SKAP1: variants seen among roughly 807,000 people sequenced by gnomAD.
The protein encoded by SKAP1 is src kinase-associated phosphoprotein 1.
SKAP1 carries 44 observed loss-of-function variants against 58.5 expected under a neutral mutation model. The ratio of observed to expected loss-of-function variants is 0.75; its 90% CI spans 0.59 to 0.97. SKAP1 has a LOEUF of 0.97. Ranked by LOEUF, SKAP1 falls within the 50% of genes least tolerant of loss-of-function variation. The probability of loss-of-function intolerance (pLI) is 0.00; values close to 1 mark genes in which losing one functional copy is unlikely to be tolerated. For synonymous variants in SKAP1, 127 were observed against 149.7 expected, an observed-to-expected ratio of 0.85 and a Z score of 1.11; for missense variants, 390 against 435.2, an observed-to-expected ratio of 0.90 and a Z score of 0.92.
chr17:48,397,378 G>A (rs1442142616), intron 1 of SKAP1, among the ~76,000 whole-genome samples: 1 of 152,014 alleles, frequency 6.6e-6, no homozygotes, highest in East Asian at 1.9e-4. Flanking sequence ...GGCGCATGCC[G>A]CCAAGCCCGG....
chr17:48,265,820 G>C (rs2065540944), intron 4 of SKAP1, among the ~76,000 whole-genome samples: 1 of 152,150 alleles, frequency 6.6e-6, no homozygotes, highest in Non-Finnish European at 1.5e-5. Flanking sequence ...CCTGTGGCAG[G>C]TGGAACAGGG....
At chr17:48,291,930 T>C (rs11655781) in intron 4 of SKAP1, among the ~76,000 whole-genome samples, 26,300 of 152,066 alleles carry the variant, frequency 0.17, 2,325 homozygotes, top group Non-Finnish European at 0.19. Context: ...GATATTTATA[T>C]AGAGATTTGT....
At chr17:48,302,423 T>A (rs895540311) in intron 4 of SKAP1, among the ~76,000 whole-genome samples, 1 of 152,196 alleles carries the variant, frequency 6.6e-6, no homozygotes, top group Non-Finnish European at 1.5e-5. Context: ...TGCTCTTGCG[T>A]GTCTTATATT....
At chr17:48,177,390 T>G (rs913026750) in intron 9 of SKAP1, among the ~76,000 whole-genome samples, 1 of 152,228 alleles carries the variant, frequency 6.6e-6, no homozygotes, top group Non-Finnish European at 1.5e-5. Flanking sequence ...CACATGTCAG[T>G]TCCAGACTCC....
intron 9 of SKAP1, among the ~76,000 whole-genome samples, chr17:48,177,885 T>C (rs77229718): frequency 0.11 from 16,644 of 152,220 alleles, 1,093 homozygotes; most frequent in Middle Eastern, 0.17. Flanking sequence ...AGGTGCAGTT[T>C]AGCTGTTGTT....
At chr17:48,301,870 C>T (rs978756357) in intron 4 of SKAP1, among the ~76,000 whole-genome samples, 2 of 152,158 alleles carry the variant, frequency 1.3e-5, no homozygotes, top group African/African-American at 4.8e-5. Flanking sequence ...AGTGCTACAA[C>T]TGGCATCAGG....
rs1255110481 is a variant in SKAP1, at chr17:48,279,195, C to T, written c.280+66710G>A. Among the ~76,000 whole-genome samples the T allele has an allele frequency of 2.0e-5, 3 of 151,926 alleles. No homozygotes were observed. The East Asian group carries it at 5.8e-4, about 29-fold the overall frequency. ...TCTGCCAAAATAGATGGCAGCTAAG[C>T]CAAAGAGCACTGGAGAAAGACATGG... On this transcript the variant is annotated intron_variant, in intron 4 of 12. Transcript: ENST00000336915.
At chr17:48,243,657 G>C (rs2065264911) in intron 4 of SKAP1, among the ~76,000 whole-genome samples, 1 of 152,132 alleles carries the variant, frequency 6.6e-6, no homozygotes, top group Admixed American at 6.5e-5. Flanking sequence ...CCTGGAGGAA[G>C]CGCAAATAAA....
intron 4 of SKAP1, among the ~76,000 whole-genome samples, chr17:48,269,053 T>C (rs775878410): frequency 6.6e-6 from 1 of 151,958 alleles, no homozygotes; most frequent in Non-Finnish European, 1.5e-5. Context: ...TAATATATAA[T>C]AAATAATGCA....
chr17:48,220,870 A>G (rs2064996411), intron 4 of SKAP1, among the ~76,000 whole-genome samples: 1 of 120,258 alleles, frequency 8.3e-6, no homozygotes, highest in African/African-American at 2.7e-5. Context: ...AAAAAAAAAA[A>G]AAAAAAAGAA....
chr17:48,308,551 C>T (rs796451914), intron 4 of SKAP1: 21 of 152,208 alleles, frequency 1.4e-4, no homozygotes, highest in African/African-American at 5.1e-4. Context: ...CTTTTTGTTG[C>T]TTAGCAAACA....
intron 4 of SKAP1, among the ~76,000 whole-genome samples, chr17:48,219,916 A>G (rs1223802019): frequency 6.6e-6 from 1 of 152,194 alleles, no homozygotes; most frequent in East Asian, 1.9e-4. Context: ...TCCACTGGCA[A>G]ATGTACAATG....
chr17:48,264,965 A>C (rs928762444), intron 4 of SKAP1, among the ~76,000 whole-genome samples: 34 of 152,192 alleles, frequency 2.2e-4, no homozygotes, highest in African/African-American at 8.0e-4. Context: ...TTTCATAAAC[A>C]GGTCTCCCAC....
intron 2 of SKAP1, among the ~76,000 whole-genome samples, chr17:48,382,943 A>C (rs753444853): frequency 5.3e-5 from 8 of 152,202 alleles, no homozygotes; most frequent in Non-Finnish European, 2.9e-5. Context: ...TCTAGAGCAG[A>C]TTATCTGGGG....
chr17:48,347,917 T>TA (rs902500145), intron 3 of SKAP1, among the ~76,000 whole-genome samples: 1 of 151,986 alleles, frequency 6.6e-6, no homozygotes, highest in South Asian at 2.1e-4. Context: ...TCCTTAAAAA[T>TA]AAAAAAAGTA....
chr17:48,224,735 T>C (rs1236967585), intron 4 of SKAP1, among the ~76,000 whole-genome samples: 1 of 152,150 alleles, frequency 6.6e-6, no homozygotes. Context: ...TAAATAAATA[T>C]ATTAATGGAA....
At chr17:48,153,349 GC>G (rs2063927582) in intron 11 of SKAP1, among the ~76,000 whole-genome samples, 2 of 152,088 alleles carry the variant, frequency 1.3e-5, no homozygotes, top group Non-Finnish European at 2.9e-5. Flanking sequence ...AAGGAATGAG[GC>G]TGCCAGGGTT....
At chr17:48,209,482 A>C (rs1014089659) in intron 4 of SKAP1, among the ~76,000 whole-genome samples, 50 of 152,362 alleles carry the variant, frequency 3.3e-4, no homozygotes, top group African/African-American at 1.2e-3. Flanking sequence ...AAAGCTGGCC[A>C]GATACATGAA....
At chr17:48,269,119 A>G (rs2065594473) in intron 4 of SKAP1, among the ~76,000 whole-genome samples, 1 of 152,152 alleles carries the variant, frequency 6.6e-6, no homozygotes, top group South Asian at 2.1e-4. Flanking sequence ...AGTAATTTGG[A>G]ACAAGATCAA....
Sources: gnomAD v4.1 joint callset for allele counts (sites outside exome capture counted in the v4.1 genomes callset) on GRCh38, gnomAD v4.1.1 for gene constraint, MANE v1.5 for transcripts, NCBI Gene and HGNC (gene_info 2026-07-23, HGNC 2026-07-21) for gene names.